The following GRIK2 variants were observed in gnomAD, a reference collection of about 807,000 sequenced individuals.
GRIK2 encodes the protein glutamate receptor ionotropic, kainate 2.
Under a neutral mutation model 100.3 loss-of-function variants are expected in GRIK2, and 32 were observed. The observed-to-expected ratio is 0.32, with a 90% CI of 0.24 to 0.43. The LOEUF (loss-of-function observed/expected upper bound fraction) is 0.43. Among genes scored for constraint, GRIK2 ranks in the 20% least tolerant of loss-of-function variants. The pLI, the probability that GRIK2 is intolerant of heterozygous loss-of-function variation, is 1.00. For synonymous variants in GRIK2, 417 were observed against 389.4 expected, an observed-to-expected ratio of 1.07 and a Z score of -0.83; for missense variants, 843 against 1,114.9, an observed-to-expected ratio of 0.76 and a Z score of 3.47.
rs186207508 is a variant in GRIK2, at chr6:102,025,787, G to A, written c.2086-9554G>A. ...TGGTAAATCTACGCACACACAGTGCGTGGCATGGTTATTTATACCAAGCTG... is the reference window on the plus strand; with the variant it reads ...TGGTAAATCTACGCACACACAGTGCATGGCATGGTTATTTATACCAAGCTG... On this transcript the variant is annotated intron_variant, in intron 14 of 16. Coordinates refer to ENST00000369134, the MANE Select transcript of GRIK2 (RefSeq NM_021956.5). 2.8e-3 allele frequency among the ~76,000 whole-genome samples: 425 copies of A among 151,260 alleles called. 3 individuals carry two copies. Among genetic ancestry groups the A allele is most frequent in the African/African-American group, 7.4e-3 (308 of 41,428 alleles).
intron 2 of GRIK2, among the ~76,000 whole-genome samples, chr6:101,527,101 G>T (rs1447531518): frequency 6.6e-6 from 1 of 152,182 alleles, no homozygotes; most frequent in Non-Finnish European, 1.5e-5. Context: ...CTAGGCATCT[G>T]ATCATATTAA....
chr6:101,757,728 A>C (rs962395367), intron 7 of GRIK2, among the ~76,000 whole-genome samples: 7 of 152,198 alleles, frequency 4.6e-5, no homozygotes, highest in African/African-American at 1.4e-4. Flanking sequence ...ATCCTGTGTT[A>C]ATGGAATTGA....
chr6:101,807,029 T>C (rs571467754), intron 9 of GRIK2, among the ~76,000 whole-genome samples: 25 of 151,866 alleles, frequency 1.6e-4, no homozygotes, highest in African/African-American at 6.0e-4. Flanking sequence ...ACTCAAGAAA[T>C]ATTTGTTGAC....
intron 2 of GRIK2, among the ~76,000 whole-genome samples, chr6:101,533,204 T>C (rs1482822158): frequency 6.6e-6 from 1 of 151,864 alleles, no homozygotes. Context: ...TTTAGATCTC[T>C]TGTGCAGGGG....
At chr6:101,582,894 C>T (rs1005517930) in intron 2 of GRIK2, among the ~76,000 whole-genome samples, 7 of 149,584 alleles carry the variant, frequency 4.7e-5, no homozygotes, top group Admixed American at 6.8e-5. Flanking sequence ...TCTTTCTTGT[C>T]CATAGCCACT....
chr6:102,045,015 G>T (rs947204240), intron 15 of GRIK2, among the ~76,000 whole-genome samples: 2 of 151,844 alleles, frequency 1.3e-5, no homozygotes, highest in African/African-American at 4.8e-5. Context: ...TCTCCATTAA[G>T]ATGATAATAT....
At chr6:101,972,877 G>C (rs1017224683) in intron 14 of GRIK2, among the ~76,000 whole-genome samples, 3 of 151,686 alleles carry the variant, frequency 2.0e-5, no homozygotes, top group Non-Finnish European at 4.4e-5. Flanking sequence ...TTTATTTATG[G>C]GTTCTTTATT....
intron 2 of GRIK2, among the ~76,000 whole-genome samples, chr6:101,523,599 G>A (rs1774995599): frequency 6.6e-6 from 1 of 151,900 alleles, no homozygotes; most frequent in Non-Finnish European, 1.5e-5. Flanking sequence ...ACTGATGAAA[G>A]TATAAAGATC....
At chr6:101,893,697 T>G (rs182383563) in intron 12 of GRIK2, among the ~76,000 whole-genome samples, 1 of 151,886 alleles carries the variant, frequency 6.6e-6, no homozygotes, top group Admixed American at 6.6e-5. Flanking sequence ...TAAGCACTAA[T>G]TAGATCCCAT....
chr6:101,887,736 G>A (rs1035237293), intron 11 of GRIK2, among the ~76,000 whole-genome samples: 2 of 152,044 alleles, frequency 1.3e-5, no homozygotes, highest in African/African-American at 2.4e-5. Flanking sequence ...GAGGGGGAAG[G>A]GGGAAGGGAG....
At chr6:101,552,747 C>G (rs931439999) in intron 2 of GRIK2, among the ~76,000 whole-genome samples, 2 of 152,122 alleles carry the variant, frequency 1.3e-5, no homozygotes, top group Non-Finnish European at 2.9e-5. Context: ...AGGTGATGTA[C>G]TCAGCATTCT....
chr6:101,841,698 A>G (rs1783515959), intron 10 of GRIK2, among the ~76,000 whole-genome samples: 1 of 152,138 alleles, frequency 6.6e-6, no homozygotes, highest in Non-Finnish European at 1.5e-5. Context: ...AACTTGGGGC[A>G]TAATTTCTCA....
intron 12 of GRIK2, among the ~76,000 whole-genome samples, chr6:101,898,611 C>G (rs933502513): frequency 2.0e-5 from 3 of 151,372 alleles, no homozygotes; most frequent in Non-Finnish European, 3.0e-5. Flanking sequence ...TGTAGATTTG[C>G]TTTATAAAGC....
chr6:101,917,561 A>G (rs1458305377), intron 12 of GRIK2, among the ~76,000 whole-genome samples: 1 of 151,082 alleles, frequency 6.6e-6, no homozygotes, highest in African/African-American at 2.4e-5. Flanking sequence ...CTAAATAACC[A>G]AGTTAGCATT....
At chr6:101,618,493 C>CT (rs528569909) in intron 2 of GRIK2, among the ~76,000 whole-genome samples, 193 of 151,626 alleles carry the variant, frequency 1.3e-3, no homozygotes, top group Middle Eastern at 3.4e-3. Context: ...GCATTTTTTG[C>CT]TTTTTTAATT....
intron 14 of GRIK2, among the ~76,000 whole-genome samples, chr6:102,031,195 T>C (rs901587386): frequency 2.7e-5 from 4 of 150,652 alleles, no homozygotes; most frequent in African/African-American, 9.7e-5. Flanking sequence ...ACTGTTTCCT[T>C]AGACTGATGC....
At chr6:102,058,022 A>G (rs1284562133) in intron 16 of GRIK2, among the ~76,000 whole-genome samples, 5 of 151,874 alleles carry the variant, frequency 3.3e-5, no homozygotes, top group Non-Finnish European at 5.9e-5. Context: ...TGTGACTCAT[A>G]TATCTCATCT....
At chr6:101,937,771 TG>T (rs1790707407) in intron 14 of GRIK2, among the ~76,000 whole-genome samples, 2 of 150,826 alleles carry the variant, frequency 1.3e-5, no homozygotes, top group Non-Finnish European at 3.0e-5. Context: ...TTGATCGTTT[TG>T]GGGGTGGGGG....
intron 14 of GRIK2, among the ~76,000 whole-genome samples, chr6:101,963,493 TTTTC>T (rs1293986305): frequency 2.3e-5 from 3 of 128,374 alleles, no homozygotes; most frequent in Admixed American, 8.0e-5. Context: ...TTTTTTCTCT[TTTTC>T]TTTCTTTCTT....
Sources: allele counts gnomAD v4.1 joint callset (sites outside exome capture counted in the v4.1 genomes callset), GRCh38; gene constraint gnomAD v4.1.1; transcripts MANE v1.5; gene names NCBI Gene and HGNC (gene_info 2026-07-23, HGNC 2026-07-21).